DNTT: variants seen among roughly 807,000 people sequenced by gnomAD.
The protein encoded by DNTT is nucleosidetriphosphate:DNA deoxynucleotidylexotransferase.
Under a neutral mutation model 60.9 loss-of-function variants are expected in DNTT, and 47 were observed. That is an observed-to-expected ratio of 0.77 (90% CI 0.61 to 0.98). The LOEUF is 0.98. Among genes scored for constraint, DNTT ranks in the 50% least tolerant of loss-of-function variants. The probability of loss-of-function intolerance (pLI) is 0.00; values close to 1 mark genes in which losing one functional copy is unlikely to be tolerated. For synonymous variants in DNTT, 224 were observed against 221.2 expected (o/e 1.01, Z -0.11); for missense variants, 665 against 627.5 (o/e 1.06, Z -0.64).
intron 1 of DNTT, among the ~76,000 whole-genome samples, chr10:96,313,689 G>C (rs1241836730): frequency 6.6e-6 from 1 of 152,218 alleles, no homozygotes; most frequent in East Asian, 1.9e-4. Context: ...ATAGTCACAA[G>C]TATTTCTTTC....
Position 96,304,519 on chromosome 10 carries a change from C to T in DNTT, c.22C>T (p.His8Tyr), listed in dbSNP as rs1844608052. MDPPRAS[H>Y]LSPRKKRPRQ... ...TCCCATGGATCCACCACGAGCGTCC[C>T]ACTTGAGCCCTCGGAAGAAGAGACC... Residue 8 changes from histidine to tyrosine, a missense_variant, in exon 1 of 11, where the codon CAC (histidine) becomes TAC (tyrosine). By Grantham distance (83) the His-to-Tyr change is moderately conservative. Coordinates refer to ENST00000371174, the MANE Select transcript of DNTT (RefSeq NM_004088.4). 1 of 1,613,910 alleles carries T rather than the reference C, an allele frequency of 6.2e-7. No individual in the cohort carries two copies. The highest frequency in any genetic ancestry group is 8.5e-7 in the Non-Finnish European group (1 of 1,180,010).
At chr10:96,306,092 A>ATTTTTT (rs66877330) in intron 1 of DNTT, among the ~76,000 whole-genome samples, 21 of 131,484 alleles carry the variant, frequency 1.6e-4, no homozygotes, top group African/African-American at 4.7e-4. Context: ...AAAAAAATAG[A>ATTTTTT]TTTTTTTTTT....
intron 5 of DNTT, 138 bp from the exon 6 acceptor site, chr10:96,324,128 C>A: frequency 8.6e-7 from 1 of 1,162,270 alleles, no homozygotes; most frequent in Non-Finnish European, 1.2e-6. Context: ...CACCCACCTG[C>A]TCGTTATATT....
chr10:96,332,135 C>T (rs1429188232), intron 8 of DNTT, among the ~76,000 whole-genome samples: 1 of 152,192 alleles, frequency 6.6e-6, no homozygotes, highest in African/African-American at 2.4e-5. Context: ...TTTGCTTCAG[C>T]CTCTCTCATC....
At chr10:96,323,046 C>T (rs1364086826) in intron 5 of DNTT, among the ~76,000 whole-genome samples, 2 of 152,156 alleles carry the variant, frequency 1.3e-5, no homozygotes, top group Admixed American at 6.5e-5. Flanking sequence ...ATAGCTCATG[C>T]CTGTAATCCA....
chr10:96,332,922 T>C (rs375999348), intron 9 of DNTT, among the ~76,000 whole-genome samples: 11 of 152,172 alleles, frequency 7.2e-5, no homozygotes, highest in South Asian at 2.1e-4. Context: ...GGAAATTTGT[T>C]TGGAAAAGGC....
intron 10 of DNTT, among the ~76,000 whole-genome samples, chr10:96,337,485 G>A (rs975717979): frequency 1.3e-5 from 2 of 152,224 alleles, no homozygotes; most frequent in Non-Finnish European, 2.9e-5. Context: ...TGTGGGTGAA[G>A]GCAGATTCAC....
At chr10:96,305,515 A>G (rs1844622818) in intron 1 of DNTT, among the ~76,000 whole-genome samples, 1 of 152,250 alleles carries the variant, frequency 6.6e-6, no homozygotes, top group Non-Finnish European at 1.5e-5. Flanking sequence ...GAACCTTGAC[A>G]TAAGTGATGG....
Position 96,307,703 on chromosome 10 carries a change from GTGTATA to G in DNTT, c.203+3005_203+3010del, listed in dbSNP as rs1203480087. On this transcript the variant is annotated intron_variant, in intron 1 of 10. Transcript: ENST00000371174. Reference sequence around the variant, plus strand: ...TATATATATGTATGTGTGTGTGTGTGTGTATATATATATATATATATATATATATAA... The same window carrying G: ...TATATATATGTATGTGTGTGTGTGTGTATATATATATATATATATATATAA... Among the ~76,000 whole-genome samples the G allele has an allele frequency of 7.2e-3, 255 of 35,284 alleles. 2 individuals carry two copies. The highest frequency in any genetic ancestry group is 0.045 in the Middle Eastern group (2 of 44). The allele number at this position is 35,284 out of a possible 152,430, so 23.1% of individuals were successfully genotyped here. A position where few individuals can be genotyped will look rare whatever the true frequency, so the allele number is the denominator to read the frequency against.
chr10:96,330,482 T>G (rs1405109997), intron 8 of DNTT, among the ~76,000 whole-genome samples: 1 of 152,176 alleles, frequency 6.6e-6, no homozygotes, highest in Non-Finnish European at 1.5e-5. Context: ...AAAGTGGAAT[T>G]GTATTTTCCG....
intron 3 of DNTT, among the ~76,000 whole-genome samples, chr10:96,319,825 T>A (rs953410096): frequency 2.0e-5 from 3 of 152,208 alleles, no homozygotes; most frequent in Admixed American, 6.5e-5. Context: ...ATTCACTAGT[T>A]TGGGCAAGTC....
chr10:96,324,156 A>G, intron 5 of DNTT, 110 bp from the exon 6 acceptor site: 2 of 1,397,994 alleles, frequency 1.4e-6, no homozygotes, highest in African/African-American at 2.9e-5. Context: ...AACTAGGTCA[A>G]AGATTTGCTT....
chr10:96,308,007 C>G (rs947555660), intron 1 of DNTT, among the ~76,000 whole-genome samples: 1 of 151,774 alleles, frequency 6.6e-6, no homozygotes, highest in Non-Finnish European at 1.5e-5. Flanking sequence ...CTTCACCTCC[C>G]AAAGGATTAC....
chr10:96,318,367 C>T lies in DNTT; in HGVS notation c.219C>T (p.His73=). 1.2e-6 allele frequency: 2 copies of T among 1,612,010 alleles called. No individual in the cohort carries two copies. The highest frequency in any genetic ancestry group is 1.7e-6 in the Non-Finnish European group (2 of 1,178,888). Residue 73 remains histidine, a synonymous_variant, in exon 2 of 11, where the codon CAC becomes CAT. Transcript: ENST00000371174. ...CATTTTGCAGTGATTCTGTCACCCA[C>T]ATCGTAGCAGAGAACAACTCGGGTT... ...VENELSDSVT[H]IVAENNSGSD... is the part of the protein sequence containing the mutation.
chr10:96,307,280 G>T (rs1209804662), intron 1 of DNTT, among the ~76,000 whole-genome samples: 2 of 150,438 alleles, frequency 1.3e-5, no homozygotes, highest in Non-Finnish European at 3.0e-5. Flanking sequence ...GTTATAACTG[G>T]TTTTTTGGGA....
chr10:96,326,467 C>T (rs1280241642), intron 6 of DNTT, among the ~76,000 whole-genome samples: 1 of 152,026 alleles, frequency 6.6e-6, no homozygotes, highest in East Asian at 1.9e-4. Context: ...CGTGACTGTC[C>T]CCATTAGAGA....
chr10:96,310,387 G>A (rs1034866546), intron 1 of DNTT, among the ~76,000 whole-genome samples: 3 of 152,288 alleles, frequency 2.0e-5, no homozygotes, highest in South Asian at 2.1e-4. Context: ...AACATCAGTC[G>A]AAGGAGGTCA....
chr10:96,307,390 T>C (rs1268843544), intron 1 of DNTT, among the ~76,000 whole-genome samples: 2 of 121,314 alleles, frequency 1.6e-5, no homozygotes, highest in Non-Finnish European at 1.6e-5. Context: ...GGAGTCTCGC[T>C]CTGTCCCAGG....
chr10:96,318,369 T>C lies in DNTT; in HGVS notation c.221T>C (p.Ile74Thr). 6.2e-7 allele frequency: 1 copy of C among 1,613,142 alleles called. No individual in the cohort carries two copies. Among genetic ancestry groups the C allele is most frequent in the Non-Finnish European group, 8.5e-7 (1 of 1,179,530 alleles). Residue 74 changes from isoleucine to threonine, a missense_variant, in exon 2 of 11, where the codon ATC (isoleucine) becomes ACC (threonine). Physicochemically the swap from Ile to Thr is moderately conservative, Grantham distance 89. Transcript: ENST00000371174. ...TTTTGCAGTGATTCTGTCACCCACA[T>C]CGTAGCAGAGAACAACTCGGGTTCG... ...ENELSDSVTH[I>T]VAENNSGSDV...
Sources: allele counts gnomAD v4.1 joint callset (sites outside exome capture counted in the v4.1 genomes callset), GRCh38; gene constraint gnomAD v4.1.1; transcripts MANE v1.5; gene names NCBI Gene and HGNC (gene_info 2026-07-23, HGNC 2026-07-21).